The following TMEM132B variants were observed in gnomAD, a reference collection of about 807,000 sequenced individuals.
The protein encoded by TMEM132B is transmembrane protein 132B.
In TMEM132B, 18 loss-of-function variants were observed where a neutral mutation model predicts 90.8. The ratio of observed to expected loss-of-function variants is 0.20; its 90% CI spans 0.14 to 0.29. TMEM132B has a LOEUF of 0.29. TMEM132B is among the 10% of genes least tolerant of loss of function. The pLI is 1.00. For missense variants in TMEM132B, 1,096 were observed against 1,326.8 expected (o/e 0.83, Z 2.70); for synonymous variants, 504 against 523.3 (o/e 0.96, Z 0.50).
chr12:125,502,649 A>G (rs1882730911), intron 3 of TMEM132B, among the ~76,000 whole-genome samples: 1 of 152,246 alleles, frequency 6.6e-6, no homozygotes, highest in African/African-American at 2.4e-5. Context: ...TACCAAATTC[A>G]TGATTGAATA....
At chr12:125,507,565 G>A (rs1882877419) in intron 3 of TMEM132B, among the ~76,000 whole-genome samples, 1 of 152,108 alleles carries the variant, frequency 6.6e-6, no homozygotes, top group Admixed American at 6.5e-5. Context: ...AGCTGTCATA[G>A]GGAGGAGTGG....
chr12:125,331,828 A>G (rs190482234), intron 1 of TMEM132B, among the ~76,000 whole-genome samples: 1 of 152,030 alleles, frequency 6.6e-6, no homozygotes, highest in African/African-American at 2.4e-5. Flanking sequence ...ATCTCAGCTC[A>G]CTGCAGCCTT....
chr12:125,583,988 C>A lies in TMEM132B; in HGVS notation c.1431C>A (p.Val477=). 6.2e-7 allele frequency: 1 copy of A among 1,614,152 alleles called. No individual in the cohort carries two copies. Among genetic ancestry groups the A allele is most frequent in the Non-Finnish European group, 8.5e-7 (1 of 1,180,016 alleles). Residue 477 remains valine (V), a synonymous_variant, in exon 5 of 9, where the codon GTC becomes GTA. Transcript: ENST00000682704. ...AATGCAAGTCTGCCGATGAAGATGT[C>A]ATTAAGGTAAGGGGGGATTTATCTA... ...SVECKSADED[V]IKVSNNCDSI...
intron 2 of TMEM132B, among the ~76,000 whole-genome samples, chr12:125,369,246 C>T (rs1238939330): frequency 6.6e-5 from 10 of 152,156 alleles, no homozygotes; most frequent in Admixed American, 5.9e-4. Context: ...GTACATGTGC[C>T]ACATTTTCTT....
intron 4 of TMEM132B, among the ~76,000 whole-genome samples, chr12:125,551,589 C>CT (rs76556540): frequency 0.22 from 31,445 of 143,950 alleles, 3,551 homozygotes; most frequent in Non-Finnish European, 0.25. Context: ...CCACATCTAT[C>CT]TTTTTTTTTT....
chr12:125,515,348 TCA>T (rs951993398), intron 3 of TMEM132B, among the ~76,000 whole-genome samples: 138 of 150,464 alleles, frequency 9.2e-4, no homozygotes, highest in Middle Eastern at 3.4e-3. Flanking sequence ...TCTGTCACAC[TCA>T]CACACACATT....
intron 4 of TMEM132B, among the ~76,000 whole-genome samples, chr12:125,552,894 G>T (rs1170317193): frequency 2.0e-5 from 3 of 152,262 alleles, no homozygotes; most frequent in Non-Finnish European, 4.4e-5. Context: ...GGGCCATCAG[G>T]CCTGGCTGCA....
chr12:125,651,940 A>G (rs1226740178), intron 7 of TMEM132B, among the ~76,000 whole-genome samples: 2 of 152,244 alleles, frequency 1.3e-5, no homozygotes, highest in Non-Finnish European at 2.9e-5. Flanking sequence ...TTCCGCCTTC[A>G]GTAATGGCTG....
At position 125,349,936 on chromosome 12, in the gene TMEM132B, C is replaced by T. The variant is rs1457458450; in HGVS notation, c.552C>T (p.Ala184=). ...CAGCCAGCTGTCGGCTGCAAGGGGC[C>T]CCAGGGCTGTGTGTGGCTGAGCTGG... The part of the protein sequence containing the change: ...EVAASCRLQG[A]PGLCVAELEL... The change falls in exon 2 of 9, where the codon GCC becomes GCT. Residue 184 remains alanine (A), a synonymous_variant. Transcript: ENST00000682704. This position sits in a 1 kb window ranked among gnomAD's most constrained non-coding sequence, Gnocchi z 4.1. 1.2e-6 allele frequency: 2 copies of T among 1,614,182 alleles called. No individual in the cohort carries two copies. The highest frequency in any genetic ancestry group is 2.2e-5 in the South Asian group (2 of 91,080).
At chr12:125,550,935 C>T (rs1322364996) in intron 4 of TMEM132B, among the ~76,000 whole-genome samples, 1 of 152,210 alleles carries the variant, frequency 6.6e-6, no homozygotes, top group Non-Finnish European at 1.5e-5. Context: ...CCCTCAGCCT[C>T]CCAATTAGCT....
intron 2 of TMEM132B, among the ~76,000 whole-genome samples, chr12:125,388,149 CG>C (rs764481238): frequency 1.7e-3 from 264 of 152,068 alleles, no homozygotes; most frequent in Middle Eastern, 3.4e-3. Context: ...TATTGTCGCC[CG>C]GGTGCTGTGG....
At chr12:125,540,254 G>A (rs1566067627) in intron 4 of TMEM132B, among the ~76,000 whole-genome samples, 1 of 152,068 alleles carries the variant, frequency 6.6e-6, no homozygotes. Context: ...CTTGATAAAT[G>A]CTCTGTGCAC....
chr12:125,389,393 T>C (rs1485189930), intron 2 of TMEM132B, among the ~76,000 whole-genome samples: 1 of 146,162 alleles, frequency 6.8e-6, no homozygotes, highest in Non-Finnish European at 1.5e-5. Context: ...TTCCTTTGCT[T>C]TTCTCCCTTC....
chr12:125,556,785 C>T (rs369371794), intron 4 of TMEM132B, among the ~76,000 whole-genome samples: 62 of 152,242 alleles, frequency 4.1e-4, no homozygotes, highest in African/African-American at 1.3e-3. Flanking sequence ...GACACAGTCT[C>T]GCTCTGTCAC....
At chr12:125,274,501 C>G (rs1874934551) in intron 1 of TMEM132B, among the ~76,000 whole-genome samples, 1 of 152,236 alleles carries the variant, frequency 6.6e-6, no homozygotes, top group African/African-American at 2.4e-5. Flanking sequence ...TCTGGCGACA[C>G]AGAGGTGTTC....
At chr12:125,369,027 C>T (rs910125937) in intron 2 of TMEM132B, among the ~76,000 whole-genome samples, 19 of 151,318 alleles carry the variant, frequency 1.3e-4, no homozygotes, top group East Asian at 2.0e-4. Context: ...CCCCCTCCCC[C>T]GGCCCCATGA....
intron 5 of TMEM132B, among the ~76,000 whole-genome samples, chr12:125,642,583 C>G (rs1187616266): frequency 6.6e-6 from 1 of 152,198 alleles, no homozygotes; most frequent in East Asian, 1.9e-4. Context: ...CTGCTAAGTT[C>G]TGACAGGATA....
At chr12:125,194,087 C>A (rs1872866782) in intron 1 of TMEM132B, among the ~76,000 whole-genome samples, 1 of 152,256 alleles carries the variant, frequency 6.6e-6, no homozygotes, top group Non-Finnish European at 1.5e-5. Context: ...GTTCTGCAGC[C>A]AGGGTGCTCC....
chr12:125,380,217 TCTGGTGGTGG>T (rs1878637387), intron 2 of TMEM132B, among the ~76,000 whole-genome samples: 1 of 152,120 alleles, frequency 6.6e-6, no homozygotes, highest in Non-Finnish European at 1.5e-5. Context: ...TCTCCTAGCT[TCTGGTGGTGG>T]CTGGCAATTC....
Sources: gnomAD v4.1 joint callset for allele counts (sites outside exome capture counted in the v4.1 genomes callset) on GRCh38, gnomAD v4.1.1 for gene constraint, Gnocchi (gnomAD v3.1) non-coding constraint, MANE v1.5 for transcripts, NCBI Gene and HGNC (gene_info 2026-07-23, HGNC 2026-07-21) for gene names.